SH3BGRL2: variants seen among roughly 807,000 people sequenced by gnomAD.
The protein encoded by SH3BGRL2 is SH3 domain-binding glutamic acid-rich-like protein 2.
In SH3BGRL2, 21 loss-of-function variants were observed where a neutral mutation model predicts 14.8. The observed-to-expected ratio is 1.42, with a 90% CI of 1.01 to 2.05. The LOEUF (loss-of-function observed/expected upper bound fraction) is 2.05. SH3BGRL2 is among the 30% of genes most tolerant of loss of function. The pLI is 0.00. For synonymous variants in SH3BGRL2, 50 were observed against 47.8 expected, an observed-to-expected ratio of 1.05 and a Z score of -0.19; for missense variants, 147 against 130.8, an observed-to-expected ratio of 1.12 and a Z score of -0.61.
At chr6:79,696,742 T>C (rs1770340268) in intron 3 of SH3BGRL2, among the ~76,000 whole-genome samples, 177 bp downstream of exon 3, 1 of 152,150 alleles carries the variant, frequency 6.6e-6, no homozygotes, top group South Asian at 2.1e-4. Context: ...AGAGGCTAGT[T>C]TTTTGTTTTT....
At chr6:79,671,023 A>T (rs1359558978) in intron 1 of SH3BGRL2, among the ~76,000 whole-genome samples, 2 of 152,172 alleles carry the variant, frequency 1.3e-5, no homozygotes, top group African/African-American at 2.4e-5. Context: ...AGCTGAGCAC[A>T]TTGCTTTTCT....
chr6:79,681,132 A>C (rs1769980647), intron 2 of SH3BGRL2, among the ~76,000 whole-genome samples: 1 of 152,172 alleles, frequency 6.6e-6, no homozygotes, highest in Non-Finnish European at 1.5e-5. Context: ...GTCAGGCATT[A>C]GGTAAAACTG....
chr6:79,641,302 C>A (rs1769030572), intron 1 of SH3BGRL2, among the ~76,000 whole-genome samples: 1 of 152,020 alleles, frequency 6.6e-6, no homozygotes, highest in Admixed American at 6.5e-5. Context: ...CTTTATAAGC[C>A]TGGGCCCTTC....
chr6:79,637,415 G>A (rs1388606615), intron 1 of SH3BGRL2, among the ~76,000 whole-genome samples: 5 of 151,880 alleles, frequency 3.3e-5, no homozygotes, highest in Admixed American at 2.0e-4. Context: ...AAATGTGGCC[G>A]GGCACAGTGG....
At chr6:79,654,283 G>A (rs1769360960) in intron 1 of SH3BGRL2, among the ~76,000 whole-genome samples, 1 of 152,144 alleles carries the variant, frequency 6.6e-6, no homozygotes, top group Non-Finnish European at 1.5e-5. Flanking sequence ...AGAATATTTG[G>A]TGTGGCATTA....
intron 2 of SH3BGRL2, among the ~76,000 whole-genome samples, chr6:79,676,141 G>C (rs1433862277): frequency 6.6e-6 from 1 of 152,008 alleles, no homozygotes; most frequent in African/African-American, 2.4e-5. Flanking sequence ...TCTCTGCCTG[G>C]CTATTGGAGT....
intron 2 of SH3BGRL2, among the ~76,000 whole-genome samples, chr6:79,694,724 T>G (rs1770294892): frequency 6.6e-6 from 1 of 152,122 alleles, no homozygotes; most frequent in African/African-American, 2.4e-5. Flanking sequence ...TCAGAGCCAC[T>G]TTAATTCTTA....
the SH3BGRL2 span, among the ~76,000 whole-genome samples, chr6:79,568,817 G>T: frequency 2.0e-5 from 3 of 151,978 alleles, no homozygotes; most frequent in African/African-American, 4.8e-5. Flanking sequence ...GTGGGAGCAG[G>T]CTTATTTTAT....
the SH3BGRL2 span, among the ~76,000 whole-genome samples, chr6:79,577,753 C>T: frequency 6.6e-6 from 1 of 152,212 alleles, no homozygotes. Flanking sequence ...GTACCTGGTT[C>T]ATCTCACTGG....
At chr6:79,578,514 G>C in the SH3BGRL2 span, among the ~76,000 whole-genome samples, 1 of 152,352 alleles carries the variant, frequency 6.6e-6, no homozygotes, top group Non-Finnish European at 1.5e-5. Context: ...ACAGCATCCA[G>C]AGTGGACCTC....
chr6:79,585,799 A>G, the SH3BGRL2 span, among the ~76,000 whole-genome samples: 3 of 151,730 alleles, frequency 2.0e-5, no homozygotes, highest in Admixed American at 6.6e-5. Context: ...TAATCAAGAT[A>G]TAGCTGTAAA....
chr6:79,640,207 G>T (rs926249065), intron 1 of SH3BGRL2, among the ~76,000 whole-genome samples: 2 of 152,138 alleles, frequency 1.3e-5, no homozygotes, highest in Admixed American at 6.5e-5. Context: ...CCAATTTAAG[G>T]CAGTGCAGTT....
intron 2 of SH3BGRL2, among the ~76,000 whole-genome samples, chr6:79,674,431 A>C (rs1769841192): frequency 6.6e-6 from 1 of 152,072 alleles, no homozygotes; most frequent in East Asian, 1.9e-4. Flanking sequence ...CTACTTGCGT[A>C]CTCCTTAGGT....
intron 1 of SH3BGRL2, among the ~76,000 whole-genome samples, chr6:79,657,119 A>G (rs1450912001): frequency 6.6e-6 from 1 of 152,184 alleles, no homozygotes; most frequent in Non-Finnish European, 1.5e-5. Flanking sequence ...TGAGATAAAC[A>G]TGGGAATCGC....
At chr6:79,668,119 C>T (rs956429929) in intron 1 of SH3BGRL2, among the ~76,000 whole-genome samples, 9 of 152,078 alleles carry the variant, frequency 5.9e-5, no homozygotes, top group African/African-American at 1.9e-4. Context: ...CATGGCTAGA[C>T]GTGTCTGGAA....
chr6:79,588,574 A>G, the SH3BGRL2 span, among the ~76,000 whole-genome samples: 1 of 152,138 alleles, frequency 6.6e-6, no homozygotes, highest in African/African-American at 2.4e-5. Context: ...CAAAATAACT[A>G]ATATACCAAA....
At chr6:79,686,667 T>C (rs1770104108) in intron 2 of SH3BGRL2, among the ~76,000 whole-genome samples, 1 of 152,238 alleles carries the variant, frequency 6.6e-6, no homozygotes, top group Non-Finnish European at 1.5e-5. Flanking sequence ...TCCAAGGATA[T>C]TAAAAAGCAT....
At chr6:79,638,575 A>G (rs1268197871) in intron 1 of SH3BGRL2, among the ~76,000 whole-genome samples, 5 of 152,122 alleles carry the variant, frequency 3.3e-5, no homozygotes, top group Admixed American at 2.0e-4. Flanking sequence ...CCAGCAGTAT[A>G]TGAGGTCCTC....
At chr6:79,666,252 C>T (rs961042795) in intron 1 of SH3BGRL2, among the ~76,000 whole-genome samples, 2 of 152,150 alleles carry the variant, frequency 1.3e-5, no homozygotes, top group Non-Finnish European at 2.9e-5. Context: ...TGCCCCACAC[C>T]ACTAGCCCTC....
Sources: gnomAD v4.1 joint callset for allele counts (sites outside exome capture counted in the v4.1 genomes callset) on GRCh38, gnomAD v4.1.1 for gene constraint, MANE v1.5 for transcripts, NCBI Gene and HGNC (gene_info 2026-07-23, HGNC 2026-07-21) for gene names.